The following SGCZ variants were observed in gnomAD, a reference collection of about 807,000 sequenced individuals.
SGCZ encodes zeta-sarcoglycan.
A neutral mutation model predicts 41.3 loss-of-function variants in SGCZ; 40 were observed. That is an observed-to-expected ratio of 0.97 (90% CI 0.75 to 1.26). The LOEUF is 1.26. Ranked by LOEUF, SGCZ falls within the 50% of genes most tolerant of loss-of-function variation. SGCZ has a pLI of 0.00. For synonymous variants in SGCZ, 206 were observed against 137.5 expected (o/e 1.50, Z -3.49); for missense variants, 552 against 369.8 (o/e 1.49, Z -4.04).
At chr8:14,349,886 C>T (rs991734343) in intron 2 of SGCZ, among the ~76,000 whole-genome samples, 16 of 152,204 alleles carry the variant, frequency 1.1e-4, no homozygotes, top group African/African-American at 3.4e-4. Flanking sequence ...TTTACAGACA[C>T]ATAATAGATA....
intron 2 of SGCZ, among the ~76,000 whole-genome samples, chr8:14,399,346 T>A (rs370326263): frequency 5.5e-4 from 83 of 152,266 alleles, no homozygotes; most frequent in African/African-American, 2.0e-3. Flanking sequence ...ACCAGTAGAA[T>A]CTGACAGGCC....
chr8:14,879,550 G>A (rs1804498379), intron 1 of SGCZ, among the ~76,000 whole-genome samples: 2 of 151,112 alleles, frequency 1.3e-5, no homozygotes, highest in Non-Finnish European at 1.5e-5. Flanking sequence ...CACATACCAG[G>A]AGGGGCTATG....
intron 1 of SGCZ, among the ~76,000 whole-genome samples, chr8:15,200,275 C>T (rs1315308779): frequency 6.6e-6 from 1 of 152,184 alleles, no homozygotes; most frequent in Non-Finnish European, 1.5e-5. Flanking sequence ...AATAAATTGG[C>T]TCTTGATACT....
chr8:14,482,508 A>G (rs1801562107), intron 2 of SGCZ, among the ~76,000 whole-genome samples: 1 of 152,148 alleles, frequency 6.6e-6, no homozygotes, highest in Non-Finnish European at 1.5e-5. Flanking sequence ...TCTGTTAACA[A>G]GTATAACAAC....
rs542907742 is a variant in SGCZ, at chr8:14,280,120, T to C, written c.337-42441A>G. On this transcript the variant is annotated intron_variant, in intron 3 of 7. Coordinates refer to ENST00000382080, the MANE Select transcript of SGCZ (RefSeq NM_139167.4). ...GGAGGAAAAATAATGAAATATACTT[T>C]TACAGTATAAGCAGAAAACTGTATA... is the stretch of plus-strand genomic sequence containing the variant. Among the ~76,000 whole-genome samples, 3 of 152,074 alleles carry C rather than the reference T, an allele frequency of 2.0e-5. No individual in the cohort carries two copies. In the South Asian group the frequency reaches 6.2e-4, roughly 31 times the overall value.
chr8:14,927,405 G>A (rs1355607029), intron 1 of SGCZ, among the ~76,000 whole-genome samples: 1 of 151,908 alleles, frequency 6.6e-6, no homozygotes, highest in African/African-American at 2.4e-5. Flanking sequence ...CACCGCGCCC[G>A]GCCAAGTTCC....
chr8:14,179,056 C>G (rs947055465), intron 4 of SGCZ, among the ~76,000 whole-genome samples: 1 of 152,198 alleles, frequency 6.6e-6, no homozygotes, highest in African/African-American at 2.4e-5. Flanking sequence ...GATGCTTGTA[C>G]ACTTGCCCCG....
rs187625112 is a variant in SGCZ, at chr8:15,204,335, C to G, written c.39+33250G>C. On this transcript the variant is annotated intron_variant, in intron 1 of 7. Transcript: ENST00000382080. ...AGTATGCAGAAGGGTTTTATTTTGA[C>G]AACCGTGTGTAGAAGGAAAGACATG... Among the ~76,000 whole-genome samples the G allele has an allele frequency of 1.2e-3, 182 of 152,260 alleles. 1 individual carries two copies. Among genetic ancestry groups the G allele is most frequent in the Non-Finnish European group, 2.0e-3 (137 of 68,020 alleles).
intron 1 of SGCZ, among the ~76,000 whole-genome samples, chr8:14,592,627 C>T (rs10094091): frequency 0.3 from 46,088 of 151,552 alleles, 7,089 homozygotes; most frequent in Admixed American, 0.32. Context: ...AACAAAAAAA[C>T]AAACTTTTAA....
intron 1 of SGCZ, among the ~76,000 whole-genome samples, chr8:14,975,789 T>A (rs527566794): frequency 6.7e-4 from 84 of 125,452 alleles, no homozygotes; most frequent in African/African-American, 2.2e-3. Flanking sequence ...TTTTCCACTT[T>A]TATATATATA....
intron 2 of SGCZ, among the ~76,000 whole-genome samples, chr8:14,329,897 A>T (rs1300262987): frequency 6.6e-6 from 1 of 151,720 alleles, no homozygotes; most frequent in East Asian, 1.9e-4. Context: ...CTTCCACTAA[A>T]CTGTACTGCC....
At chr8:14,733,949 C>G (rs1350113980) in intron 1 of SGCZ, among the ~76,000 whole-genome samples, 6 of 152,184 alleles carry the variant, frequency 3.9e-5, no homozygotes, top group Non-Finnish European at 8.8e-5. Flanking sequence ...AGAATAAACC[C>G]ATGTTGAAAA....
At chr8:14,986,708 C>G (rs1460676104) in intron 1 of SGCZ, among the ~76,000 whole-genome samples, 1 of 151,956 alleles carries the variant, frequency 6.6e-6, no homozygotes, top group Non-Finnish European at 1.5e-5. Context: ...AGAAAATGTT[C>G]TAAGTGCAAG....
intron 1 of SGCZ, among the ~76,000 whole-genome samples, chr8:14,582,300 T>C (rs1563130938): frequency 6.6e-6 from 1 of 152,050 alleles, no homozygotes; most frequent in Admixed American, 6.6e-5. Flanking sequence ...TTAAAATTTA[T>C]AGGAAAATTT....
chr8:15,158,144 T>C (rs1334687208), intron 1 of SGCZ, among the ~76,000 whole-genome samples: 1 of 149,608 alleles, frequency 6.7e-6, no homozygotes, highest in Non-Finnish European at 1.5e-5. Context: ...CCATCTCTTA[T>C]CACAATTTTT....
At chr8:14,444,259 C>A (rs1253061128) in intron 2 of SGCZ, among the ~76,000 whole-genome samples, 1 of 152,106 alleles carries the variant, frequency 6.6e-6, no homozygotes, top group Non-Finnish European at 1.5e-5. Context: ...TGTGGCGATT[C>A]CTCAGGGATC....
chr8:14,863,651 G>A (rs954038416), intron 1 of SGCZ, among the ~76,000 whole-genome samples: 1 of 152,070 alleles, frequency 6.6e-6, no homozygotes. Flanking sequence ...ATTTTGTTCT[G>A]TTTTCTGTTG....
At chr8:14,946,728 T>G (rs1333414065) in intron 1 of SGCZ, among the ~76,000 whole-genome samples, 1 of 148,646 alleles carries the variant, frequency 6.7e-6, no homozygotes, top group East Asian at 2.0e-4. Flanking sequence ...CAGGCTGGAG[T>G]GCAGCAGAAC....
At chr8:14,299,405 T>G (rs1216023298) in intron 3 of SGCZ, among the ~76,000 whole-genome samples, 1 of 152,074 alleles carries the variant, frequency 6.6e-6, no homozygotes, top group East Asian at 1.9e-4. Context: ...ATTCACAACA[T>G]ATATATCTGA....
Sources: allele counts gnomAD v4.1 joint callset (sites outside exome capture counted in the v4.1 genomes callset), GRCh38; gene constraint gnomAD v4.1.1; transcripts MANE v1.5; gene names NCBI Gene and HGNC (gene_info 2026-07-23, HGNC 2026-07-21).